The following COL23A1 variants were observed in gnomAD, a reference collection of about 807,000 sequenced individuals.
COL23A1 encodes collagen alpha-1(XXIII) chain.
In COL23A1, 97 loss-of-function variants were observed where a neutral mutation model predicts 99.3. That is an observed-to-expected ratio of 0.98 (90% CI 0.83 to 1.16). The LOEUF is 1.16. COL23A1 is among the 50% of genes most tolerant of loss of function. The pLI, the probability that COL23A1 is intolerant of heterozygous loss-of-function variation, is 0.00. For synonymous variants in COL23A1, 320 were observed against 308.2 expected (o/e 1.04, Z -0.40); for missense variants, 762 against 757.4 (o/e 1.01, Z -0.07).
At chr5:178,435,813 A>AC (rs771581137) in intron 2 of COL23A1, among the ~76,000 whole-genome samples, 6 of 152,142 alleles carry the variant, frequency 3.9e-5, no homozygotes, top group Non-Finnish European at 8.8e-5. Flanking sequence ...AACTTCCCGG[A>AC]CCTGTCACTG....
chr5:178,321,476 T>TTCCC (rs1298641198), intron 2 of COL23A1, among the ~76,000 whole-genome samples: 1 of 146,930 alleles, frequency 6.8e-6, no homozygotes, highest in Non-Finnish European at 1.5e-5. Flanking sequence ...CGAGGTCACC[T>TTCCC]TCCCTTTTTT....
Position 178,586,747 on chromosome 5 carries a change from T to C in COL23A1, c.294+3157A>G, listed in dbSNP as rs576237641. On this transcript the variant is annotated intron_variant, in intron 1 of 28. Transcript: ENST00000390654. ...AAATGTAGCTATGATTTACACTGCA[T>C]CTCCAGTTGTGCCATGGAATTCAAA... Among the ~76,000 whole-genome samples the C allele has an allele frequency of 4.1e-4, 63 of 152,218 alleles. 1 individual carries two copies. The highest frequency in any genetic ancestry group is 8.3e-4 in the South Asian group (4 of 4,830).
At chr5:178,266,841 A>G (rs934967855) in intron 8 of COL23A1, among the ~76,000 whole-genome samples, 3 of 152,188 alleles carry the variant, frequency 2.0e-5, no homozygotes, top group African/African-American at 4.8e-5. Flanking sequence ...TTTCTTTCCC[A>G]TAACAACCTC....
At chr5:178,364,274 G>GC (rs1357383370) in intron 2 of COL23A1, among the ~76,000 whole-genome samples, 9 of 151,604 alleles carry the variant, frequency 5.9e-5, no homozygotes, top group African/African-American at 1.9e-4. Flanking sequence ...AGAACTGCCT[G>GC]GCCCCCGCCC....
At chr5:178,349,989 G>A (rs116366916) in intron 2 of COL23A1, among the ~76,000 whole-genome samples, 2 of 152,134 alleles carry the variant, frequency 1.3e-5, no homozygotes, top group Admixed American at 1.3e-4. Flanking sequence ...CAGGGTCTCG[G>A]GTCCTATCAA....
intron 2 of COL23A1, among the ~76,000 whole-genome samples, chr5:178,522,552 A>C (rs1212367806): frequency 2.6e-5 from 4 of 152,128 alleles, no homozygotes; most frequent in African/African-American, 9.7e-5. Flanking sequence ...CCTGCCCGAG[A>C]TTGTGACGAG....
chr5:178,327,797 G>T (rs1208120622), intron 2 of COL23A1, among the ~76,000 whole-genome samples: 1 of 152,118 alleles, frequency 6.6e-6, no homozygotes, highest in Non-Finnish European at 1.5e-5. Flanking sequence ...TGGGTGTTCA[G>T]GACCTAGGTC....
At chr5:178,547,183 A>T (rs1743016309) in intron 2 of COL23A1, among the ~76,000 whole-genome samples, 1 of 152,024 alleles carries the variant, frequency 6.6e-6, no homozygotes, top group South Asian at 2.1e-4. Flanking sequence ...ACTGAGTGGC[A>T]AGTACCCCGA....
At chr5:178,562,139 G>A (rs1188359793) in intron 1 of COL23A1, 1 of 508,458 alleles carries the variant, frequency 2.0e-6, no homozygotes, top group Admixed American at 2.3e-5. Context: ...CTGCTTGGGA[G>A]ACTGAGGCTG....
At chr5:178,326,493 C>T (rs1334351999) in intron 2 of COL23A1, among the ~76,000 whole-genome samples, 2 of 152,010 alleles carry the variant, frequency 1.3e-5, no homozygotes, top group South Asian at 2.1e-4. Context: ...TGGAATAATT[C>T]CTTCGGCTCA....
intron 2 of COL23A1, among the ~76,000 whole-genome samples, chr5:178,440,240 A>G (rs962156737): frequency 4.6e-5 from 7 of 152,204 alleles, no homozygotes; most frequent in African/African-American, 1.4e-4. Context: ...TGGACACCCA[A>G]TGTGCTCCAC....
Position 178,254,931 on chromosome 5 carries a change from T to G in COL23A1, c.960+18A>C. The G allele has an allele frequency of 6.2e-7, 1 of 1,603,222 alleles. No homozygotes were observed. Among genetic ancestry groups the G allele is most frequent in the East Asian group, 2.2e-5 (1 of 44,558 alleles). Reference sequence around the variant, plus strand: ...AAATCGTATCTAAGGCACATCCTGGTCCCACCAGGAACACTACCTTGAGGG... The same window carrying G: ...AAATCGTATCTAAGGCACATCCTGGGCCCACCAGGAACACTACCTTGAGGG... On this transcript the variant is annotated intron_variant, in intron 16 of 28. Transcript: ENST00000390654.
chr5:178,388,567 G>A lies in COL23A1; in HGVS notation c.362-81648C>T, dbSNP rs1056307365. ...GCTGTGGGTTGCAGCATCAGTGGCC[G>A]TCTCCTTGCTTGTCTCTCCCACTGC... is the stretch of plus-strand genomic sequence containing the variant. On this transcript the variant is annotated intron_variant, in intron 2 of 28. Coordinates refer to ENST00000390654, the MANE Select transcript of COL23A1 (RefSeq NM_173465.4). Among the ~76,000 whole-genome samples the A allele has an allele frequency of 3.9e-5, 6 of 152,190 alleles. No individual in the cohort carries two copies. The South Asian group carries it at 8.3e-4, about 21-fold the overall frequency.
intron 2 of COL23A1, among the ~76,000 whole-genome samples, chr5:178,381,418 T>C (rs1333240015): frequency 2.0e-5 from 3 of 152,188 alleles, no homozygotes; most frequent in African/African-American, 7.2e-5. Context: ...GGTGTGTCCA[T>C]GCCAGCAGGA....
intron 2 of COL23A1, among the ~76,000 whole-genome samples, chr5:178,370,624 G>A (rs887074291): frequency 2.6e-5 from 4 of 152,174 alleles, no homozygotes; most frequent in Admixed American, 6.5e-5. Context: ...CAGCACTTTG[G>A]GAGGTCCAGG....
At chr5:178,427,870 T>C (rs917962119) in intron 2 of COL23A1, among the ~76,000 whole-genome samples, 2 of 152,192 alleles carry the variant, frequency 1.3e-5, no homozygotes, top group Non-Finnish European at 2.9e-5. Flanking sequence ...TATGATACTA[T>C]AATGGTGGAT....
intron 2 of COL23A1, among the ~76,000 whole-genome samples, chr5:178,311,721 TTGTTTTGTTTTG>T (rs371054367): frequency 7.5e-5 from 1 of 13,338 alleles, no homozygotes; most frequent in East Asian, 5.3e-4. Flanking sequence ...TAACTGTTTT[TTGTTTTGTTTTG>T]TTTTGTTTTT....
At chr5:178,322,614 C>T (rs1482109035) in intron 2 of COL23A1, among the ~76,000 whole-genome samples, 1 of 146,210 alleles carries the variant, frequency 6.8e-6, no homozygotes, top group African/African-American at 2.6e-5. Flanking sequence ...GGTCCCTGAC[C>T]CCTCTCCAGG....
At chr5:178,524,887 G>T (rs150001568) in intron 2 of COL23A1, among the ~76,000 whole-genome samples, 1,757 of 152,300 alleles carry the variant, frequency 0.012, 17 homozygotes, top group Middle Eastern at 0.051. Flanking sequence ...TTCAACAGCT[G>T]TCTGGGAGCC....
Sources: allele counts gnomAD v4.1 joint callset (sites outside exome capture counted in the v4.1 genomes callset), GRCh38; gene constraint gnomAD v4.1.1; transcripts MANE v1.5; gene names NCBI Gene and HGNC (gene_info 2026-07-23, HGNC 2026-07-21).